The following CPNE4 variants were observed in gnomAD, a reference collection of about 807,000 sequenced individuals.
The protein encoded by CPNE4 is copine 4.
A neutral mutation model predicts 67.9 loss-of-function variants in CPNE4; 25 were observed. That is an observed-to-expected ratio of 0.37 (90% confidence interval 0.27 to 0.51). The LOEUF (loss-of-function observed/expected upper bound fraction) is 0.51, where lower values mean the gene tolerates loss of function less well. CPNE4 is among the 20% of genes least tolerant of loss of function. The pLI, the probability that CPNE4 is intolerant of heterozygous loss-of-function variation, is 0.93. For synonymous variants in CPNE4, 242 were observed against 244.9 expected, an observed-to-expected ratio of 0.99 and a Z score of 0.11; for missense variants, 464 against 690.8, an observed-to-expected ratio of 0.67 and a Z score of 3.68.
chr3:131,591,299 A>G (rs1376360895), intron 7 of CPNE4, among the ~76,000 whole-genome samples: 2 of 152,200 alleles, frequency 1.3e-5, no homozygotes, highest in Non-Finnish European at 2.9e-5. Context: ...AGGAGCAAAT[A>G]AAAAGGCAAA....
At chr3:131,962,508 T>C (rs1262329634) in intron 1 of CPNE4, among the ~76,000 whole-genome samples, 2 of 152,172 alleles carry the variant, frequency 1.3e-5, no homozygotes, top group Non-Finnish European at 2.9e-5. Flanking sequence ...ACAAAGAGCA[T>C]AGACTGGACT....
intron 2 of CPNE4, among the ~76,000 whole-genome samples, chr3:131,808,937 G>A (rs1440033784): frequency 6.6e-6 from 1 of 152,158 alleles, no homozygotes. Flanking sequence ...GCATCAGAAT[G>A]GACGGAACAT....
At chr3:131,857,642 T>C (rs1490775573) in intron 2 of CPNE4, among the ~76,000 whole-genome samples, 1 of 152,060 alleles carries the variant, frequency 6.6e-6, no homozygotes, top group East Asian at 1.9e-4. Flanking sequence ...TTGGTGCTGG[T>C]TGGCTCCAGG....
chr3:131,940,476 A>G (rs2071354405), intron 1 of CPNE4, among the ~76,000 whole-genome samples: 1 of 152,178 alleles, frequency 6.6e-6, no homozygotes, highest in African/African-American at 2.4e-5. Flanking sequence ...GCATAATAAA[A>G]TATATTTTAA....
At position 131,669,678 on chromosome 3, in the gene CPNE4, T is replaced by C. The variant is rs1476133663; in HGVS notation, c.678A>G (p.Leu226=). 4.4e-6 allele frequency: 7 copies of C among 1,608,712 alleles called. No homozygotes were observed. The African/African-American group carries it at 9.4e-5, about 22-fold the overall frequency. The change falls in exon 7 of 16, where the codon CTA becomes CTG. Residue 226 remains leucine, a synonymous_variant. Coordinates refer to ENST00000429747, the MANE Select transcript of CPNE4 (RefSeq NM_130808.3). ...SLCSGDPDRR[L]KCIVWDWDSN... is the part of the protein sequence containing the mutation. ...TTCTTGGACACAGATTTCTGACCTT[T>C]AGCCGGCGGTCTGGGTCTCCGCTGC...
At chr3:131,954,144 T>A (rs972016762) in intron 1 of CPNE4, among the ~76,000 whole-genome samples, 1 of 151,426 alleles carries the variant, frequency 6.6e-6, no homozygotes, top group Non-Finnish European at 1.5e-5. Flanking sequence ...AGCTAAAAAA[T>A]TACCCAATAT....
chr3:131,774,378 A>G (rs2107839619), intron 2 of CPNE4, among the ~76,000 whole-genome samples: 1 of 152,042 alleles, frequency 6.6e-6, no homozygotes, highest in South Asian at 2.1e-4. Context: ...GACACAGGAG[A>G]GTGAGGACAT....
At chr3:131,741,517 TG>T (rs1243320346) in intron 2 of CPNE4, among the ~76,000 whole-genome samples, 1 of 151,986 alleles carries the variant, frequency 6.6e-6, no homozygotes, top group Non-Finnish European at 1.5e-5. Context: ...GGGTGAGGGT[TG>T]GGGGCAAGGT....
chr3:131,971,237 C>A (rs949201520), intron 1 of CPNE4, among the ~76,000 whole-genome samples: 1 of 152,088 alleles, frequency 6.6e-6, no homozygotes, highest in Non-Finnish European at 1.5e-5. Context: ...GTTAAAGTTC[C>A]CAGAGAGAAT....
chr3:131,610,770 A>G (rs1325911096), intron 7 of CPNE4, among the ~76,000 whole-genome samples: 1 of 152,176 alleles, frequency 6.6e-6, no homozygotes, highest in Non-Finnish European at 1.5e-5. Context: ...CTGACCTAAG[A>G]TTGGCATCTT....
intron 2 of CPNE4, among the ~76,000 whole-genome samples, chr3:131,887,601 G>A (rs1241070065): frequency 6.6e-6 from 1 of 152,124 alleles, no homozygotes; most frequent in African/African-American, 2.4e-5. Flanking sequence ...TTCCAGAGGT[G>A]GTAGACTTCA....
intron 1 of CPNE4, among the ~76,000 whole-genome samples, chr3:131,932,503 A>G (rs778953373): frequency 6.6e-6 from 1 of 152,138 alleles, no homozygotes; most frequent in Non-Finnish European, 1.5e-5. Flanking sequence ...ATATATACCT[A>G]CATAACTGGA....
chr3:131,649,178 T>C (rs2079743954), intron 7 of CPNE4, among the ~76,000 whole-genome samples: 1 of 152,238 alleles, frequency 6.6e-6, no homozygotes, highest in Non-Finnish European at 1.5e-5. Flanking sequence ...ATCAAATTGC[T>C]TCTCAGAATG....
intron 3 of CPNE4, among the ~76,000 whole-genome samples, chr3:131,714,573 T>C (rs2081638522): frequency 6.6e-6 from 1 of 152,190 alleles, no homozygotes; most frequent in South Asian, 2.1e-4. Flanking sequence ...AAACTAGTAA[T>C]ACAGTGTCCA....
chr3:131,874,234 G>A (rs1404201295), intron 2 of CPNE4, among the ~76,000 whole-genome samples: 2 of 151,832 alleles, frequency 1.3e-5, no homozygotes, highest in Admixed American at 6.6e-5. Context: ...GACTACAGGC[G>A]CCCTCCACCA....
At chr3:131,923,532 C>T (rs1314572634) in intron 1 of CPNE4, among the ~76,000 whole-genome samples, 2 of 151,616 alleles carry the variant, frequency 1.3e-5, no homozygotes, top group Non-Finnish European at 2.9e-5. Context: ...TGGTGAAATC[C>T]TGTCTCTACT....
chr3:131,916,324 C>T (rs116566266), intron 1 of CPNE4, among the ~76,000 whole-genome samples: 4,275 of 139,286 alleles, frequency 0.031, 213 homozygotes, highest in African/African-American at 0.11. Context: ...GGGCTCACAA[C>T]GTGGATTTTG....
Position 131,954,958 on chromosome 3 carries a change from G to A in CPNE4, c.-1-49514C>T, listed in dbSNP as rs180768229. ...GTGAACAGTGCCGCAATAAACATAC[G>A]TATGCATGTGAAAAAAAAAAAAAAA... On this transcript the variant is annotated intron_variant, in intron 1 of 15. Coordinates refer to ENST00000429747, the MANE Select transcript of CPNE4 (RefSeq NM_130808.3). Among the ~76,000 whole-genome samples the A allele has an allele frequency of 2.3e-4, 29 of 127,152 alleles. 1 individual carries two copies. Among genetic ancestry groups the A allele is most frequent in the African/African-American group, 7.0e-4 (25 of 35,684 alleles). 83.4% of individuals were successfully genotyped at this position (127,152 alleles called of 152,430 possible).
chr3:131,649,427 G>A (rs964909395), intron 7 of CPNE4, among the ~76,000 whole-genome samples: 1 of 152,186 alleles, frequency 6.6e-6, no homozygotes, highest in African/African-American at 2.4e-5. Flanking sequence ...TATTACGAGA[G>A]GCACCAGCAG....
Sources: allele counts gnomAD v4.1 joint callset (sites outside exome capture counted in the v4.1 genomes callset), GRCh38; gene constraint gnomAD v4.1.1; transcripts MANE v1.5; gene names NCBI Gene and HGNC (gene_info 2026-07-23, HGNC 2026-07-21).